The following DLG2 variants were observed in gnomAD, a reference collection of about 807,000 sequenced individuals.
DLG2 encodes discs large MAGUK scaffold protein 2.
DLG2 carries 45 observed loss-of-function variants against 132.5 expected under a neutral mutation model. The ratio of observed to expected loss-of-function variants is 0.34; its 90% CI spans 0.27 to 0.44. The LOEUF (loss-of-function observed/expected upper bound fraction) is 0.44, where lower values mean the gene tolerates loss of function less well. Among genes scored for constraint, DLG2 ranks in the 20% least tolerant of loss-of-function variants. The probability of loss-of-function intolerance (pLI) is 1.00; values close to 1 mark genes in which losing one functional copy is unlikely to be tolerated. For missense variants in DLG2, 1,045 were observed against 1,196.9 expected (o/e 0.87, Z 1.87); for synonymous variants, 424 against 419.6 (o/e 1.01, Z -0.13).
intron 3 of DLG2, among the ~76,000 whole-genome samples, chr11:85,416,471 C>A (rs754381640): frequency 5.3e-5 from 8 of 151,996 alleles, no homozygotes; most frequent in Non-Finnish European, 8.8e-5. Context: ...TTTTTTAATT[C>A]TGTGAAGAAA....
chr11:84,682,655 TC>T (rs2070882837), intron 6 of DLG2, among the ~76,000 whole-genome samples: 1 of 152,148 alleles, frequency 6.6e-6, no homozygotes, highest in Non-Finnish European at 1.5e-5. Flanking sequence ...GACCCACAGG[TC>T]TCTCAGTCCC....
chr11:85,460,546 GT>G lies in DLG2; in HGVS notation c.40+138110del, dbSNP rs201846306. Reference sequence around the variant, plus strand: ...TGCTCCATTCTCCATGGGTCAAGTTGTTTCCTTGATGAACCCTAATGTTTCC... The same window carrying G: ...TGCTCCATTCTCCATGGGTCAAGTTGTTCCTTGATGAACCCTAATGTTTCC... On this transcript the variant is annotated intron_variant, in intron 3 of 27. Coordinates refer to ENST00000376104, the MANE Select transcript of DLG2 (RefSeq NM_001142699.3). Among the ~76,000 whole-genome samples, 1,467 of 152,292 alleles carry G rather than the reference GT, an allele frequency of 9.6e-3. 21 individuals are homozygous for G. Among genetic ancestry groups the G allele is most frequent in the African/African-American group, 0.033 (1,384 of 41,560 alleles).
chr11:83,595,543 A>G (rs1393364603), intron 19 of DLG2, among the ~76,000 whole-genome samples: 8 of 152,240 alleles, frequency 5.3e-5, no homozygotes, highest in South Asian at 2.1e-4. Context: ...TGTGACCACA[A>G]TTAAACTGAA....
At chr11:85,458,313 A>G (rs186965700) in intron 3 of DLG2, among the ~76,000 whole-genome samples, 110 of 151,968 alleles carry the variant, frequency 7.2e-4, no homozygotes, top group African/African-American at 2.6e-3. Context: ...TATAATGGCC[A>G]TTTTTATCTA....
At chr11:83,848,892 C>A (rs1205034803) in intron 16 of DLG2, among the ~76,000 whole-genome samples, 9 of 152,164 alleles carry the variant, frequency 5.9e-5, no homozygotes, top group African/African-American at 2.2e-4. Flanking sequence ...TCAACAATTC[C>A]ACAGGCACAT....
At chr11:84,739,667 C>A (rs778301963) in intron 6 of DLG2, among the ~76,000 whole-genome samples, 3 of 152,088 alleles carry the variant, frequency 2.0e-5, no homozygotes, top group Non-Finnish European at 4.4e-5. Context: ...GCTAAGGAAC[C>A]TGGGACTTTC....
At chr11:84,368,618 T>C (rs1476866418) in intron 7 of DLG2, among the ~76,000 whole-genome samples, 1 of 152,144 alleles carries the variant, frequency 6.6e-6, no homozygotes, top group East Asian at 1.9e-4. Flanking sequence ...AGATGCATCC[T>C]GGTTGTATTT....
chr11:84,736,735 C>T (rs1471466419), intron 6 of DLG2, among the ~76,000 whole-genome samples: 2 of 151,864 alleles, frequency 1.3e-5, no homozygotes, highest in East Asian at 3.9e-4. Context: ...GTATATTGTC[C>T]TTTTATTCTG....
intron 9 of DLG2, among the ~76,000 whole-genome samples, chr11:84,112,076 G>C (rs541797925): frequency 6.6e-6 from 1 of 151,714 alleles, no homozygotes. Context: ...ACAGTGGCGC[G>C]ATCTTGGCTC....
intron 3 of DLG2, among the ~76,000 whole-genome samples, chr11:85,352,994 A>C (rs2083413968): frequency 6.6e-6 from 1 of 152,180 alleles, no homozygotes; most frequent in Non-Finnish European, 1.5e-5. Context: ...AATGGGATCT[A>C]ATTAAACTAA....
intron 4 of DLG2, among the ~76,000 whole-genome samples, chr11:85,165,252 T>C (rs2078351396): frequency 6.6e-6 from 1 of 152,186 alleles, no homozygotes; most frequent in South Asian, 2.1e-4. Flanking sequence ...TCTGAATTTT[T>C]ATGTGAAATA....
chr11:84,386,303 T>C (rs1191154110), intron 7 of DLG2, among the ~76,000 whole-genome samples: 1 of 152,070 alleles, frequency 6.6e-6, no homozygotes, highest in Non-Finnish European at 1.5e-5. Context: ...AAAATGAAGA[T>C]TTAGTTACTC....
At chr11:84,583,366 C>A (rs945771026) in intron 6 of DLG2, among the ~76,000 whole-genome samples, 10 of 152,190 alleles carry the variant, frequency 6.6e-5, no homozygotes, top group African/African-American at 2.2e-4. Flanking sequence ...TTTGAAAGAG[C>A]TGCATTTCAT....
At position 85,431,691 on chromosome 11, in the gene DLG2, G is replaced by C. The variant is rs140150540; in HGVS notation, c.41-146326C>G. Among the ~76,000 whole-genome samples the C allele has an allele frequency of 7.5e-4, 115 of 152,372 alleles. 2 individuals are homozygous for C. The East Asian group carries it at 0.021, about 28-fold the overall frequency. ...CCCAGAGCCTGAGCTCCTAGCGGGA[G>C]TGGTGCCACAGTCTCCATGAACCAG... On this transcript the variant is annotated intron_variant, in intron 3 of 27. Transcript: ENST00000376104.
chr11:83,620,274 T>G lies in DLG2; in HGVS notation c.1940+12937A>C, dbSNP rs2061424722. 3.0e-5 allele frequency among the ~76,000 whole-genome samples: 3 copies of G among 100,528 alleles called. No individual in the cohort carries two copies. The South Asian group carries it at 8.8e-4, about 30-fold the overall frequency. The allele number at this position is 100,528 out of a possible 152,430, so 66.0% of individuals were successfully genotyped here. On this transcript the variant is annotated intron_variant, in intron 19 of 27. Transcript: ENST00000376104. ...GATGATATCTTTAAAAAAAATCTGT[T>G]TTTTTAAACACACAAAATTGTATGT...
At chr11:85,148,745 G>GTAGTT (rs2077030686) in intron 5 of DLG2, among the ~76,000 whole-genome samples, 1 of 152,088 alleles carries the variant, frequency 6.6e-6, no homozygotes, top group South Asian at 2.1e-4. Flanking sequence ...CAGAAGCTCT[G>GTAGTT]TAGTTTAATT....
chr11:84,923,465 C>T, intron 6 of DLG2: 1 of 992,948 alleles, frequency 1.0e-6, no homozygotes, highest in Non-Finnish European at 1.2e-6. Flanking sequence ...AATGAGCTCA[C>T]TCAGGAAGGA....
Position 84,124,953 on chromosome 11 carries a change from C to T in DLG2, c.625-25906G>A, listed in dbSNP as rs527733525. On this transcript the variant is annotated intron_variant, in intron 9 of 27. Transcript: ENST00000376104. Reference sequence around the variant, plus strand: ...GCAACATTTGCCTCCAGGGTTCAAGCGATTCTCCTGCCTCAGCCACCTGAG... The same window carrying T: ...GCAACATTTGCCTCCAGGGTTCAAGTGATTCTCCTGCCTCAGCCACCTGAG... 2.2e-3 allele frequency among the ~76,000 whole-genome samples: 328 copies of T among 147,760 alleles called. 2 individuals carry two copies. The highest frequency in any genetic ancestry group is 7.6e-3 in the Middle Eastern group (2 of 262).
intron 15 of DLG2, among the ~76,000 whole-genome samples, chr11:83,890,924 T>A (rs1305071417): frequency 6.6e-6 from 1 of 152,100 alleles, no homozygotes; most frequent in African/African-American, 2.4e-5. Flanking sequence ...TGCTTCTAGC[T>A]GGGGTGACTG....
Sources: gnomAD v4.1 joint callset for allele counts (sites outside exome capture counted in the v4.1 genomes callset) on GRCh38, gnomAD v4.1.1 for gene constraint, MANE v1.5 for transcripts, NCBI Gene and HGNC (gene_info 2026-07-23, HGNC 2026-07-21) for gene names.